SDF2: variants seen among roughly 807,000 people sequenced by gnomAD.
SDF2 encodes stromal cell-derived factor 2.
In SDF2, 12 loss-of-function variants were observed where a neutral mutation model predicts 20.5. The ratio of observed to expected loss-of-function variants is 0.58; its 90% CI spans 0.37 to 0.95. The LOEUF is 0.95. Ranked by LOEUF, SDF2 falls within the 40% of genes least tolerant of loss-of-function variation. SDF2 has a pLI of 0.01. For missense variants in SDF2, 238 were observed against 263.1 expected (o/e 0.90, Z 0.66); for synonymous variants, 100 against 101.0 (o/e 0.99, Z 0.06).
chr17:28,654,195 T>G (rs998665655), intron 2 of SDF2, among the ~76,000 whole-genome samples: 2 of 151,898 alleles, frequency 1.3e-5, no homozygotes, highest in African/African-American at 2.4e-5. Context: ...GAGCCTGTAG[T>G]GAGGGCTGAG....
chr17:28,661,250 T>A (rs1284293059), intron 1 of SDF2: 5 of 434,058 alleles, frequency 1.2e-5, no homozygotes, highest in Non-Finnish European at 1.8e-5. Context: ...AGTCAACGAG[T>A]GAGCTCTTGG....
At chr17:28,649,337 A>C (rs1362501534) in intron 2 of SDF2, 61 bp from the exon 3 acceptor site, 6 of 1,526,168 alleles carry the variant, frequency 3.9e-6, no homozygotes, top group Non-Finnish European at 5.4e-6. Flanking sequence ...AAGGGGTGGG[A>C]GGCAATGGGA....
rs1261868836 is a variant in SDF2 at position 28,661,844 on chromosome 17, AC to A, written c.32del (p.Gly11ValfsTer20). 4 of 1,613,644 alleles carry A rather than the reference AC, an allele frequency of 2.5e-6. No individual in the cohort carries two copies. Among genetic ancestry groups the A allele is most frequent in the Admixed American group, 1.7e-5 (1 of 59,974 alleles). On this transcript the variant is annotated frameshift_variant, in exon 1 of 3. Coordinates refer to ENST00000247020, the MANE Select transcript of SDF2 (RefSeq NM_006923.4). LOFTEE classifies it high-confidence loss of function. MAVVPLLLLG[G>X]LWSAVGASSL... ...TGGACGCTCCCACAGCGCTCCACAAACCCCCCAACAACAGCAGAGGTACTAC... is the reference window on the plus strand; with the variant it reads ...TGGACGCTCCCACAGCGCTCCACAAACCCCCAACAACAGCAGAGGTACTAC...
At chr17:28,656,921 G>T (rs564179346) in intron 1 of SDF2, among the ~76,000 whole-genome samples, 102 of 152,198 alleles carry the variant, frequency 6.7e-4, no homozygotes, top group African/African-American at 2.5e-3. Flanking sequence ...CCCATAAGTG[G>T]TCAATTATTA....
At position 28,648,986 on chromosome 17, in the gene SDF2, G is replaced by A; in HGVS notation, c.*3C>T. 1 of 1,613,342 alleles carries A rather than the reference G, an allele frequency of 6.2e-7. No individual in the cohort carries two copies. Among genetic ancestry groups the A allele is most frequent in the African/African-American group, 1.3e-5 (1 of 75,036 alleles). On this transcript the variant is annotated 3_prime_UTR_variant, in exon 3 of 3. Transcript: ENST00000247020. ...CGTTAACAGTGGCTCAGAGCCTCTA[G>A]ATTCACAGCTCTGCATGGTGGGCTT...
upstream of SDF2, chr17:28,661,939 G>T: frequency 6.4e-7 from 1 of 1,557,062 alleles, no homozygotes; most frequent in Non-Finnish European, 8.8e-7. Context: ...GGAACCGGAA[G>T]CTAATGGCGA....
chr17:28,654,246 G>A (rs1010898819), intron 2 of SDF2, among the ~76,000 whole-genome samples: 1 of 151,946 alleles, frequency 6.6e-6, no homozygotes, highest in African/African-American at 2.4e-5. Context: ...AGGCTGCAGT[G>A]AGCAAGATCA....
chr17:28,652,701 T>C (rs952788106), intron 2 of SDF2, among the ~76,000 whole-genome samples: 2 of 152,206 alleles, frequency 1.3e-5, no homozygotes, highest in African/African-American at 4.8e-5. Context: ...TTTAATATCA[T>C]TCTCCAATAA....
chr17:28,649,342 A>T, intron 2 of SDF2, 66 bp from the exon 3 acceptor site: 1 of 1,505,638 alleles, frequency 6.6e-7, no homozygotes, highest in Non-Finnish European at 9.1e-7. Flanking sequence ...GTGGGAGGCA[A>T]TGGGAAGAAA....
chr17:28,661,249 G>A, intron 1 of SDF2: 1 of 435,156 alleles, frequency 2.3e-6, no homozygotes, highest in Non-Finnish European at 4.5e-6. Context: ...TAGTCAACGA[G>A]TGAGCTCTTG....
chr17:28,657,121 G>A (rs1181692092), intron 1 of SDF2, among the ~76,000 whole-genome samples: 1 of 152,166 alleles, frequency 6.6e-6, no homozygotes, highest in African/African-American at 2.4e-5. Flanking sequence ...CAGCTACTTG[G>A]GAGGCTGAGG....
upstream of SDF2, chr17:28,662,193 A>G (rs2072062885): frequency 3.8e-6 from 1 of 265,658 alleles, no homozygotes; most frequent in African/African-American, 2.2e-5. Context: ...GGAGCCGGAA[A>G]TGACGTAGCA....
At chr17:28,652,877 A>G (rs2071926825) in intron 2 of SDF2, among the ~76,000 whole-genome samples, 1 of 152,244 alleles carries the variant, frequency 6.6e-6, no homozygotes, top group African/African-American at 2.4e-5. Context: ...ACACAAAGCC[A>G]GCTGAAAGAA....
intron 1 of SDF2, among the ~76,000 whole-genome samples, chr17:28,657,088 G>C (rs182305076): frequency 1.3e-3 from 196 of 152,120 alleles, no homozygotes; most frequent in Non-Finnish European, 2.2e-3. Flanking sequence ...TTAGCTGGGC[G>C]TGGTCGCATG....
rs1392870944 is a variant in SDF2 at position 28,659,493 on chromosome 17, A to G, written c.151+2233T>C. Among the ~76,000 whole-genome samples, 22 of 134,424 alleles carry G rather than the reference A, an allele frequency of 1.6e-4. No individual in the cohort carries two copies. In the East Asian group the frequency reaches 5.4e-3, roughly 33 times the overall value. The allele number at this position is 134,424 out of a possible 152,430, so 88.2% of individuals were successfully genotyped here. On this transcript the variant is annotated intron_variant, in intron 1 of 2. Transcript: ENST00000247020. ...GGGTGGCCGGGCAGAGGTGCTCCTC[A>G]CCTCCCAGATAATGGGCAGCCCACT... is the stretch of plus-strand genomic sequence containing the variant.
Position 28,649,180 on chromosome 17 carries a change from G to A in SDF2, c.445C>T (p.Arg149Trp), listed in dbSNP as rs761041365. 26 of 1,613,992 alleles carry A rather than the reference G, an allele frequency of 1.6e-5. No individual in the cohort carries two copies. Among genetic ancestry groups the A allele is most frequent in the African/African-American group, 4.0e-5 (3 of 74,912 alleles). The change falls in exon 3 of 3, where the codon CGG (arginine) becomes TGG (tryptophan). Residue 149 changes from arginine to tryptophan, a missense_variant. Physicochemically the swap from Arg to Trp is moderately radical, Grantham distance 101. Transcript: ENST00000247020. ...ACCTCAGTGGAAGAGTGTTTGAACC[G>A]CACCTCACCATCTCTCACCCAGTAG... ...GPYWVRDGEV[R>W]FKHSSTEVLL...
chr17:28,655,186 G>T, intron 2 of SDF2, 101 bp downstream of exon 2: 1 of 1,147,300 alleles, frequency 8.7e-7, no homozygotes, highest in Non-Finnish European at 1.3e-6. Flanking sequence ...GCACAAAAGA[G>T]AACATCTACA....
chr17:28,661,870 C>G lies in SDF2; in HGVS notation c.7G>C (p.Val3Leu), dbSNP rs1567679839. Residue 3 changes from valine (V) to leucine (L), a missense_variant, in exon 1 of 3, where the codon GTA (valine) becomes CTA (leucine). Val to Leu is a conservative substitution (Grantham distance 32, BLOSUM62 1). Transcript: ENST00000247020. MAVVPLLLLGGLW... is the reference protein window; with the variant it reads MALVPLLLLGGLW... ...CCCCCCAACAACAGCAGAGGTACTA[C>G]AGCCATCCTAACTGTATCGCGGAGC... 1 of 1,610,798 alleles carries G rather than the reference C, an allele frequency of 6.2e-7. No homozygotes were observed. Among genetic ancestry groups the G allele is most frequent in the Non-Finnish European group, 8.5e-7 (1 of 1,177,216 alleles).
intron 1 of SDF2, among the ~76,000 whole-genome samples, chr17:28,658,564 G>A (rs184074251): frequency 8.5e-5 from 13 of 152,316 alleles, no homozygotes; most frequent in South Asian, 2.1e-4. Flanking sequence ...CAGAGAGCAC[G>A]GGGTTGGGGG....
Sources: allele counts gnomAD v4.1 joint callset (sites outside exome capture counted in the v4.1 genomes callset), GRCh38; gene constraint gnomAD v4.1.1; transcripts MANE v1.5; gene names NCBI Gene and HGNC (gene_info 2026-07-23, HGNC 2026-07-21).